Variants in GZMM observed in about 807,000 individuals in gnomAD.
The protein encoded by GZMM is HU-Met-1.
In GZMM, 23 loss-of-function variants were observed where a neutral mutation model predicts 19.2. The observed-to-expected ratio is 1.20, with a 90% CI of 0.86 to 1.69. GZMM has a LOEUF of 1.69. Ranked by LOEUF, GZMM falls within the 40% of genes most tolerant of loss-of-function variation. GZMM has a pLI of 0.00. For missense variants in GZMM, 373 were observed against 352.2 expected (o/e 1.06, Z -0.47); for synonymous variants, 178 against 160.2 (o/e 1.11, Z -0.84).
chr19:545,213 T>TGCAGAGCGGA (rs1373334694), intron 1 of GZMM, among the ~76,000 whole-genome samples: 5 of 151,412 alleles, frequency 3.3e-5, no homozygotes, highest in Admixed American at 3.3e-4. Context: ...CATGAGACTG[T>TGCAGAGCGGA]GCAGAGCGGA....
In GZMM at chr19:544,255, GGGACT is replaced by G. The variant is rs3834639; in HGVS notation, c.55+131_55+135del. 4.5e-4 allele frequency: 350 copies of G among 778,158 alleles called. No individual in the cohort carries two copies. In the East Asian group the frequency reaches 7.7e-3, roughly 17 times the overall value. 48.2% of individuals were successfully genotyped at this position (778,158 alleles called of 1,614,324 possible). A position where few individuals can be genotyped will look rare whatever the true frequency, so the allele number is the denominator to read the frequency against. On this transcript the variant is annotated intron_variant, in intron 1 of 4. Transcript: ENST00000264553. ...GCGGAGATTCATCCTTGTTTGGAGG[GGGACT>G]GAGGCCTGGGGCATCCCGAGCTCCT... is the stretch of plus-strand genomic sequence containing the variant.
In GZMM at chr19:544,153, G is replaced by A. The variant is rs1333902890; in HGVS notation, c.55+27G>A. On this transcript the variant is annotated intron_variant, in intron 1 of 4. Transcript: ENST00000264553. ...TGAGTGGGAGCCGGGATGCAGGGGG[G>A]ACACTGAGGCCCAGCGCTCTCGGTG... The A allele has an allele frequency of 3.9e-6, 6 of 1,541,858 alleles. No individual in the cohort carries two copies. In the Admixed American group the frequency reaches 1.2e-4, roughly 30 times the overall value.
chr19:549,226 G>C, intron 4 of GZMM, 41 bp downstream of exon 4: 1 of 1,524,544 alleles, frequency 6.6e-7, no homozygotes. Flanking sequence ...TGAGGCTGGC[G>C]GGAGGGCCGG....
chr19:549,559 C>A, intron 4 of GZMM, 71 bp from the exon 5 acceptor site: 1 of 1,481,458 alleles, frequency 6.8e-7, no homozygotes, highest in East Asian at 2.4e-5. Context: ...CCCTGCTCCC[C>A]TCGGCGGGCC....
intron 1 of GZMM, 82 bp downstream of exon 1, chr19:544,208 C>T (rs527977154): frequency 3.9e-5 from 45 of 1,161,778 alleles, no homozygotes; most frequent in Middle Eastern, 2.0e-4. Flanking sequence ...TGGGCGCGGG[C>T]GCCGACATCC....
intron 1 of GZMM, among the ~76,000 whole-genome samples, chr19:545,232 G>C (rs1477369354): frequency 6.6e-6 from 1 of 152,150 alleles, no homozygotes. Flanking sequence ...GAGGAAACAC[G>C]GAGGGCAAGA....
Position 547,350 on chromosome 19 carries a change from A to G in GZMM, c.126A>G (p.Ser42=). 6.3e-7 allele frequency: 1 copy of G among 1,576,046 alleles called. No individual in the cohort carries two copies. The highest frequency in any genetic ancestry group is 1.2e-5 in the South Asian group (1 of 86,444). The change falls in exon 2 of 5, where the codon TCA becomes TCG. Residue 42 remains serine (S), a synonymous_variant. Transcript: ENST00000264553. ...CCCACTCGCGCCCGTACATGGCCTC[A>G]CTGCAGAGAAATGGCTCCCACCTGT... ...VIPHSRPYMA[S]LQRNGSHLCG... is the part of the protein sequence containing the mutation.
rs553563209 is a variant in GZMM at position 549,330 on chromosome 19, C to T, written c.612+145C>T. 9.1e-5 allele frequency: 81 copies of T among 886,540 alleles called. No individual in the cohort carries two copies. The South Asian group carries it at 1.0e-3, about 11-fold the overall frequency. The allele number at this position is 886,540 out of a possible 1,614,324, so 54.9% of individuals were successfully genotyped here. On this transcript the variant is annotated intron_variant, in intron 4 of 4. Coordinates refer to ENST00000264553, the MANE Select transcript of GZMM (RefSeq NM_005317.4). ...GGCGGGGAAGCACTGGCAGGGGTCC[C>T]GTTTCTCAGGTGCAGAAACTGAGGC...
In GZMM at chr19:544,203, G is replaced by A. The variant is rs565855698; in HGVS notation, c.55+77G>A. ...GGGTCCCTGGATGGGAGGGGTGGGC[G>A]CGGGCGCCGACATCCTGGGTGTAAG... On this transcript the variant is annotated intron_variant, in intron 1 of 4. Transcript: ENST00000264553. 794 of 1,252,004 alleles carry A rather than the reference G, an allele frequency of 6.3e-4. 2 individuals are homozygous for A. Among genetic ancestry groups the A allele is most frequent in the Non-Finnish European group, 8.5e-4 (752 of 881,498 alleles). The allele number at this position is 1,252,004 out of a possible 1,614,324, so 77.6% of individuals were successfully genotyped here.
At chr19:545,916 T>G (rs1028399342) in intron 1 of GZMM, among the ~76,000 whole-genome samples, 9 of 152,074 alleles carry the variant, frequency 5.9e-5, no homozygotes, top group East Asian at 3.9e-4. Context: ...GTGCTGGGAT[T>G]ACAGGCGTGA....
chr19:549,561 C>T (rs1032400417), intron 4 of GZMM, 69 bp from the exon 5 acceptor site: 68 of 1,482,156 alleles, frequency 4.6e-5, no homozygotes, highest in South Asian at 7.4e-5. Flanking sequence ...CTGCTCCCCT[C>T]GGCGGGCCCT....
At chr19:548,421 G>A in intron 2 of GZMM, 121 bp from the exon 3 acceptor site, 1 of 977,118 alleles carries the variant, frequency 1.0e-6, no homozygotes, top group Non-Finnish European at 1.5e-6. Flanking sequence ...GCCAAGGCCT[G>A]TGAGGGGCAG....
chr19:548,009 G>T (rs1420157117), intron 2 of GZMM, among the ~76,000 whole-genome samples: 1 of 152,178 alleles, frequency 6.6e-6, no homozygotes, highest in Non-Finnish European at 1.5e-5. Context: ...CTAGGAGGAG[G>T]CCTGGCTTCA....
Position 549,201 on chromosome 19 carries a change from G to C in GZMM, c.612+16G>C. ...TCCCTGCAAGGTGAGGGGCGCCCGG[G>C]TGGGGCTGGGGGAATGAGGCTGGCG... On this transcript the variant is annotated intron_variant, in intron 4 of 4. Transcript: ENST00000264553. 1.3e-6 allele frequency: 2 copies of C among 1,557,578 alleles called. No homozygotes were observed. The highest frequency in any genetic ancestry group is 1.7e-6 in the Non-Finnish European group (2 of 1,150,302).
At position 549,090 on chromosome 19, in the gene GZMM, A is replaced by C. The variant is rs1329829301; in HGVS notation, c.517A>C (p.Thr173Pro). The change falls in exon 4 of 5, where the codon ACC (threonine) becomes CCC (proline). Residue 173 changes from threonine to proline, a missense_variant. Transcript: ENST00000264553. ...LRELDLQVLD[T>P]RMCNNSRFWN... ...GGAGCTGGACCTCCAAGTGCTGGAC[A>C]CCCGCATGTGTAACAACAGCCGCTT... 3 of 1,585,044 alleles carry C rather than the reference A, an allele frequency of 1.9e-6. No homozygotes were observed. The highest frequency in any genetic ancestry group is 2.6e-6 in the Non-Finnish European group (3 of 1,167,200).
At chr19:549,536 A>T in intron 4 of GZMM, 94 bp from the exon 5 acceptor site, 1 of 1,306,108 alleles carries the variant, frequency 7.7e-7, no homozygotes, top group Non-Finnish European at 1.0e-6. Flanking sequence ...GAGCCTGGGG[A>T]TAACAGGCCT....
At position 549,829 on chromosome 19, in the gene GZMM, A is replaced by T. The variant is rs111763479; in HGVS notation, c.*38A>T. On this transcript the variant is annotated 3_prime_UTR_variant, in exon 5 of 5. Transcript: ENST00000264553. ...ATGGGGACCCCCTCGCTGTCTCCAC[A>T]GGACCCTTCCCCTCCAGGGGTGCAG... is the stretch of plus-strand genomic sequence containing the variant. 628 of 1,308,350 alleles carry T rather than the reference A, an allele frequency of 4.8e-4. No homozygotes were observed. The highest frequency in any genetic ancestry group is 1.3e-3 in the Admixed American group (68 of 52,476). The allele number at this position is 1,308,350 out of a possible 1,614,324, so 81.0% of individuals were successfully genotyped here. A position where few individuals can be genotyped will look rare whatever the true frequency, so the allele number is the denominator to read the frequency against.
At chr19:546,631 A>G (rs906088319) in intron 1 of GZMM, among the ~76,000 whole-genome samples, 1 of 150,514 alleles carries the variant, frequency 6.6e-6, no homozygotes, top group Non-Finnish European at 1.5e-5. Context: ...CAAGGTCAGG[A>G]GTTCGAGACC....
intron 3 of GZMM, 75 bp from the exon 4 acceptor site, chr19:548,846 TC>T: frequency 1.0e-5 from 3 of 297,480 alleles, no homozygotes; most frequent in East Asian, 7.1e-5. Flanking sequence ...CTGCCACCCC[TC>T]CCCCCGCTGC....
Sources: allele counts gnomAD v4.1 joint callset (sites outside exome capture counted in the v4.1 genomes callset), GRCh38; gene constraint gnomAD v4.1.1; transcripts MANE v1.5; gene names NCBI Gene and HGNC (gene_info 2026-07-23, HGNC 2026-07-21).